Variants in FAF1 observed in about 807,000 individuals in gnomAD.
FAF1 encodes the protein FAS-associated factor 1.
FAF1 carries 25 observed loss-of-function variants against 92.5 expected under a neutral mutation model. The observed-to-expected ratio is 0.27, with a 90% CI of 0.20 to 0.38. The LOEUF (loss-of-function observed/expected upper bound fraction) is 0.38. Ranked by LOEUF, FAF1 falls within the 10% of genes least tolerant of loss-of-function variation. The pLI, the probability that FAF1 is intolerant of heterozygous loss-of-function variation, is 1.00. For synonymous variants in FAF1, 234 were observed against 273.2 expected (o/e 0.86, Z 1.42); for missense variants, 636 against 793.3 (o/e 0.80, Z 2.38).
At position 50,655,501 on chromosome 1, in the gene FAF1, T is replaced by C; in HGVS notation, c.685A>G (p.Ser229Gly). The C allele has an allele frequency of 4.3e-6, 7 of 1,612,852 alleles. No individual in the cohort carries two copies. Among genetic ancestry groups the C allele is most frequent in the Non-Finnish European group, 5.9e-6 (7 of 1,178,814 alleles). Reference sequence around the variant, plus strand: ...CATAATTGGTGGCGAACGGGGATACTTGTAAGGTCATACACATTTCTCTTT... The same window carrying C: ...CATAATTGGTGGCGAACGGGGATACCTGTAAGGTCATACACATTTCTCTTT... ...EVKRNVYDLTSIPVRHQLWEG... is the reference protein window; with the variant it reads ...EVKRNVYDLTGIPVRHQLWEG... Residue 229 changes from serine (S) to glycine (G), a missense_variant, in exon 8 of 19, where the codon AGT becomes GGT. By Grantham distance (56) the Ser-to-Gly change is moderately conservative (BLOSUM62 0). Around this residue, in one of 2 missense-constraint regions of FAF1, gnomAD observed 317 missense variants for 342.4 expected, o/e 0.93. Coordinates refer to ENST00000396153, the MANE Select transcript of FAF1 (RefSeq NM_007051.3).
At chr1:50,842,768 C>A (rs1359762575) in intron 2 of FAF1, among the ~76,000 whole-genome samples, 1 of 152,016 alleles carries the variant, frequency 6.6e-6, no homozygotes. Flanking sequence ...ATAAAATAAC[C>A]CCCTCTATAT....
intron 2 of FAF1, chr1:50,846,801 C>A: frequency 1.5e-6 from 1 of 680,796 alleles, no homozygotes; most frequent in Non-Finnish European, 2.6e-6. Context: ...CCCAATCCCA[C>A]TTAAAGGAAA....
chr1:50,757,238 T>G (rs1488656464), intron 4 of FAF1, among the ~76,000 whole-genome samples: 1 of 152,216 alleles, frequency 6.6e-6, no homozygotes. Context: ...ATTATATACA[T>G]TTTAAGTAAG....
chr1:50,884,351 TA>T (rs1271063586), intron 1 of FAF1, among the ~76,000 whole-genome samples: 2 of 146,698 alleles, frequency 1.4e-5, no homozygotes, highest in Admixed American at 6.8e-5. Flanking sequence ...CTGCCTCTAC[TA>T]AAAAAAAAGA....
chr1:50,887,053 G>A (rs1014680198), intron 1 of FAF1, among the ~76,000 whole-genome samples: 2 of 152,106 alleles, frequency 1.3e-5, no homozygotes, highest in Admixed American at 6.6e-5. Context: ...GTTTCCTGAC[G>A]TTTTTAATGA....
At chr1:50,672,546 G>C (rs1655944297) in intron 7 of FAF1, among the ~76,000 whole-genome samples, 1 of 152,120 alleles carries the variant, frequency 6.6e-6, no homozygotes, top group Admixed American at 6.5e-5. Flanking sequence ...ACCTACCAAA[G>C]TGCTGGGATT....
intron 4 of FAF1, among the ~76,000 whole-genome samples, chr1:50,757,431 T>A (rs1311338414): frequency 6.6e-6 from 1 of 152,212 alleles, no homozygotes; most frequent in Non-Finnish European, 1.5e-5. Flanking sequence ...TCAAACTCTG[T>A]TATTAGATAT....
intron 7 of FAF1, among the ~76,000 whole-genome samples, chr1:50,686,881 T>A (rs1012225166): frequency 1.3e-5 from 2 of 152,048 alleles, no homozygotes; most frequent in Non-Finnish European, 2.9e-5. Context: ...CACGCTGGAG[T>A]GCAGTGGCGC....
At chr1:50,675,307 C>T (rs1656071552) in intron 7 of FAF1, among the ~76,000 whole-genome samples, 1 of 152,242 alleles carries the variant, frequency 6.6e-6, no homozygotes, top group South Asian at 2.1e-4. Context: ...TCCAGACTCT[C>T]TGGCAGTCAC....
chr1:50,574,337 G>C (rs1057328020), intron 12 of FAF1, among the ~76,000 whole-genome samples: 4 of 152,326 alleles, frequency 2.6e-5, no homozygotes, highest in East Asian at 1.9e-4. Context: ...AGAGAAGCAG[G>C]CATGCTCTTT....
intron 7 of FAF1, among the ~76,000 whole-genome samples, chr1:50,694,045 A>G (rs1657073068): frequency 1.3e-5 from 2 of 152,118 alleles, no homozygotes; most frequent in Admixed American, 6.5e-5. Flanking sequence ...CATATACATG[A>G]CATGTATGAC....
At position 50,563,478 on chromosome 1, in the gene FAF1, C is replaced by T. The variant is rs114230187; in HGVS notation, c.1268+3599G>A. On this transcript the variant is annotated intron_variant, in intron 13 of 18. Coordinates refer to ENST00000396153, the MANE Select transcript of FAF1 (RefSeq NM_007051.3). Reference sequence around the variant, plus strand: ...TAGCACTTCTCAAGACTACCAAGGGCTTCCTGTCACTGTTTTAAGAATGGC... The same window carrying T: ...TAGCACTTCTCAAGACTACCAAGGGTTTCCTGTCACTGTTTTAAGAATGGC... Among the ~76,000 whole-genome samples the T allele has an allele frequency of 1.0e-2, 1,514 of 151,928 alleles. 24 individuals carry two copies. Among genetic ancestry groups the T allele is most frequent in the African/African-American group, 0.035 (1,435 of 41,394 alleles).
chr1:50,805,000 T>C (rs1212411056), intron 2 of FAF1, among the ~76,000 whole-genome samples: 1 of 152,226 alleles, frequency 6.6e-6, no homozygotes, highest in East Asian at 1.9e-4. Context: ...GAGTTTATTA[T>C]AAGAACTATA....
At chr1:50,497,114 C>T (rs1394247071) in intron 15 of FAF1, among the ~76,000 whole-genome samples, 1 of 151,620 alleles carries the variant, frequency 6.6e-6, no homozygotes, top group Non-Finnish European at 1.5e-5. Context: ...CACATCATAA[C>T]CAAATTACTT....
intron 15 of FAF1, among the ~76,000 whole-genome samples, chr1:50,509,874 T>TA (rs1046177827): frequency 1.6e-4 from 23 of 146,674 alleles, no homozygotes; most frequent in African/African-American, 4.7e-4. Context: ...ATCTCTAAAT[T>TA]AAAAAAAAAA....
At chr1:50,519,370 A>AGGAAGGAG (rs1266617798) in intron 15 of FAF1, among the ~76,000 whole-genome samples, 4 of 99,536 alleles carry the variant, frequency 4.0e-5, no homozygotes, top group African/African-American at 1.4e-4. Context: ...GAAGGAAGGA[A>AGGAAGGAG]GGAGGGAGGG....
chr1:50,958,171 T>C (rs1048877683), intron 1 of FAF1, among the ~76,000 whole-genome samples: 8 of 152,160 alleles, frequency 5.3e-5, no homozygotes, highest in African/African-American at 1.7e-4. Flanking sequence ...TTTTTTAAAA[T>C]GTAGGCAGGC....
At position 50,763,285 on chromosome 1, in the gene FAF1, A is replaced by G. The variant is rs541238145; in HGVS notation, c.368-18510T>C. Among the ~76,000 whole-genome samples, 8 of 152,260 alleles carry G rather than the reference A, an allele frequency of 5.3e-5. No individual in the cohort carries two copies. The South Asian group carries it at 1.5e-3, about 28-fold the overall frequency. On this transcript the variant is annotated intron_variant, in intron 4 of 18. Transcript: ENST00000396153. ...AAAATAAATACATAAAATATAAAAT[A>G]AAACAAAATAAAATATAAAATGTAT...
intron 8 of FAF1, among the ~76,000 whole-genome samples, chr1:50,615,675 T>C (rs1652882634): frequency 6.6e-6 from 1 of 152,234 alleles, no homozygotes; most frequent in Non-Finnish European, 1.5e-5. Flanking sequence ...TTGAGAAATG[T>C]CTGTTTATAT....
Sources: gnomAD v4.1 joint callset for allele counts (sites outside exome capture counted in the v4.1 genomes callset) on GRCh38, gnomAD v4.1.1 for gene constraint, gnomAD v4.1.1 regional missense constraint, MANE v1.5 for transcripts, NCBI Gene and HGNC (gene_info 2026-07-23, HGNC 2026-07-21) for gene names.